ARHGAP29: variants seen among roughly 807,000 people sequenced by gnomAD.
ARHGAP29 encodes the protein rho GTPase-activating protein 29.
Under a neutral mutation model 122.6 loss-of-function variants are expected in ARHGAP29, and 43 were observed. The ratio of observed to expected loss-of-function variants is 0.35; its 90% CI spans 0.27 to 0.45. The LOEUF (loss-of-function observed/expected upper bound fraction) is 0.45, where lower values mean the gene tolerates loss of function less well. Among genes scored for constraint, ARHGAP29 ranks in the 20% least tolerant of loss-of-function variants. The pLI is 1.00. For missense variants in ARHGAP29, 1,303 were observed against 1,477.2 expected (o/e 0.88, Z 1.93); for synonymous variants, 506 against 497.1 (o/e 1.02, Z -0.24).
intron 12 of ARHGAP29, among the ~76,000 whole-genome samples, chr1:94,201,279 T>C (rs761590821): frequency 1.3e-5 from 2 of 152,034 alleles, no homozygotes; most frequent in Non-Finnish European, 2.9e-5. Context: ...CCAGAGAACA[T>C]GGGGAAAGGC....
Position 94,220,248 on chromosome 1 carries a change from T to C in ARHGAP29, c.340+10A>G. On this transcript the variant is annotated intron_variant, in intron 3 of 22. Transcript: ENST00000260526. ...CCCACAGCAACCCACTTTTACTATA[T>C]CTTCCTTACCTTTCACTTTTGCAGT... The C allele has an allele frequency of 6.2e-7, 1 of 1,613,002 alleles. No homozygotes were observed. Among genetic ancestry groups the C allele is most frequent in the South Asian group, 1.1e-5 (1 of 90,920 alleles).
At chr1:94,226,954 A>G (rs1249723887) in intron 2 of ARHGAP29, among the ~76,000 whole-genome samples, 3 of 151,976 alleles carry the variant, frequency 2.0e-5, no homozygotes, top group South Asian at 4.1e-4. Context: ...GGAGGCATCA[A>G]TGGTAAAAGT....
chr1:94,250,326 G>C (rs1654034444), intron 1 of ARHGAP29: 1 of 152,202 alleles, frequency 6.6e-6, no homozygotes, highest in African/African-American at 2.4e-5. Flanking sequence ...TAATGTGCCA[G>C]ACATTGTTCT....
the ARHGAP29 span, among the ~76,000 whole-genome samples, chr1:94,313,650 C>T: frequency 2.0e-4 from 30 of 152,200 alleles, no homozygotes; most frequent in African/African-American, 7.2e-4. Flanking sequence ...AATTATAAAT[C>T]ATGCTGCTAT....
At chr1:94,239,853 A>G (rs1653509708), upstream of ARHGAP29, among the ~76,000 whole-genome samples, 1 of 152,160 alleles carries the variant, frequency 6.6e-6, no homozygotes, top group African/African-American at 2.4e-5. Context: ...TTAATTTTTA[A>G]AATTTTTTCC....
upstream of ARHGAP29, among the ~76,000 whole-genome samples, chr1:94,279,459 T>C (rs945259751): frequency 6.6e-6 from 1 of 152,228 alleles, no homozygotes; most frequent in Non-Finnish European, 1.5e-5. Context: ...CCTTCCAGTA[T>C]GTTCCATTGC....
Position 94,202,930 on chromosome 1 carries a change from C to T in ARHGAP29, c.942G>A (p.Glu314=), listed in dbSNP as rs1169759018. ...TTTTAATACTAACCATTTTATTTTGCTCCTGTTTCCAAAGCTCTTTTATTT... is the reference window on the plus strand; with the variant it reads ...TTTTAATACTAACCATTTTATTTTGTTCCTGTTTCCAAAGCTCTTTTATTT... The part of the protein sequence containing the change: ...RKEIKELWKQ[E]QNKMLEAENA... Residue 314 remains glutamate, a synonymous_variant, in exon 10 of 23, where the codon GAG becomes GAA. Transcript: ENST00000260526. 1.2e-6 allele frequency: 2 copies of T among 1,604,410 alleles called. No homozygotes were observed.
At chr1:94,223,379 C>T (rs762894923) in intron 2 of ARHGAP29, among the ~76,000 whole-genome samples, 3 of 151,972 alleles carry the variant, frequency 2.0e-5, no homozygotes, top group Non-Finnish European at 4.4e-5. Context: ...GGCTGAGAAA[C>T]CTTGGGTGAG....
intron 1 of ARHGAP29, among the ~76,000 whole-genome samples, chr1:94,233,780 T>C (rs1336328647): frequency 6.6e-6 from 1 of 152,194 alleles, no homozygotes; most frequent in African/African-American, 2.4e-5. Context: ...GTGTGTGGCA[T>C]GCTTCTGGGT....
intron 15 of ARHGAP29, 95 bp downstream of exon 15, chr1:94,188,742 G>A (rs1649957538): frequency 9.6e-7 from 1 of 1,041,122 alleles, no homozygotes; most frequent in African/African-American, 1.6e-5. Flanking sequence ...TATTATGTGT[G>A]AAAGTTCACT....
chr1:94,234,383 A>G (rs1467160637), intron 1 of ARHGAP29, among the ~76,000 whole-genome samples: 3 of 152,228 alleles, frequency 2.0e-5, no homozygotes, highest in Admixed American at 2.0e-4. Context: ...AATTTTTAAA[A>G]AACTCTCTAA....
chr1:94,304,382 C>T, the ARHGAP29 span, among the ~76,000 whole-genome samples: 1 of 152,186 alleles, frequency 6.6e-6, no homozygotes, highest in African/African-American at 2.4e-5. Context: ...TCAAGAAATC[C>T]TCCTGCCTTG....
the ARHGAP29 span, among the ~76,000 whole-genome samples, chr1:94,285,799 C>T: frequency 1.4e-5 from 2 of 147,908 alleles, no homozygotes; most frequent in African/African-American, 5.0e-5. Context: ...CACTTGAACC[C>T]GGGAGGCGGA....
chr1:94,187,030 C>CA (rs780439508), intron 15 of ARHGAP29, among the ~76,000 whole-genome samples: 1 of 152,132 alleles, frequency 6.6e-6, no homozygotes, highest in Non-Finnish European at 1.5e-5. Flanking sequence ...CTACAACATA[C>CA]AAAAATCTTT....
intron 12 of ARHGAP29, chr1:94,191,929 T>C (rs1240190714): frequency 3.3e-5 from 5 of 152,194 alleles, no homozygotes; most frequent in Non-Finnish European, 7.3e-5. Flanking sequence ...ATGTAGACCA[T>C]GAGCTTAATA....
rs145744151 is a variant in ARHGAP29, at chr1:94,207,871, G to A, written c.510+961C>T. 5.5e-3 allele frequency among the ~76,000 whole-genome samples: 829 copies of A among 151,374 alleles called. 11 individuals carry two copies. Among genetic ancestry groups the A allele is most frequent in the African/African-American group, 0.019 (773 of 41,208 alleles). ...TTTTGTTTCTTTGTGTTTTTTTAGA[G>A]ACAGAGTCGCACTGGCTAGAGAGGA... On this transcript the variant is annotated intron_variant, in intron 5 of 22. Coordinates refer to ENST00000260526, the MANE Select transcript of ARHGAP29 (RefSeq NM_004815.4).
At chr1:94,195,940 C>T (rs1390879526) in intron 12 of ARHGAP29, 2 of 152,040 alleles carry the variant, frequency 1.3e-5, no homozygotes, top group African/African-American at 4.8e-5. Flanking sequence ...GATCAATATA[C>T]CAAGATCATT....
At chr1:94,242,267 A>T (rs1354717359), upstream of ARHGAP29, among the ~76,000 whole-genome samples, 1 of 151,896 alleles carries the variant, frequency 6.6e-6, no homozygotes, top group African/African-American at 2.4e-5. Flanking sequence ...CCCCAGGGAG[A>T]CCCCAGGGCA....
intron 2 of ARHGAP29, among the ~76,000 whole-genome samples, chr1:94,223,654 A>G (rs1454822579): frequency 6.6e-6 from 1 of 152,132 alleles, no homozygotes; most frequent in African/African-American, 2.4e-5. Flanking sequence ...CAAAACCTCA[A>G]TTACTTTTGC....
Sources: gnomAD v4.1 joint callset for allele counts (sites outside exome capture counted in the v4.1 genomes callset) on GRCh38, gnomAD v4.1.1 for gene constraint, MANE v1.5 for transcripts, NCBI Gene and HGNC (gene_info 2026-07-23, HGNC 2026-07-21) for gene names.